The following ZNF595 variants were observed in gnomAD, a reference collection of about 807,000 sequenced individuals.
ZNF595 encodes zinc finger protein 595.
Under a neutral mutation model 19.4 loss-of-function variants are expected in ZNF595, and 9 were observed. That is an observed-to-expected ratio of 0.46 (90% CI 0.28 to 0.81). ZNF595 has a LOEUF of 0.81. ZNF595 is among the 30% of genes least tolerant of loss of function. The probability of loss-of-function intolerance (pLI) is 0.11; values close to 1 mark genes in which losing one functional copy is unlikely to be tolerated. For synonymous variants in ZNF595, 255 were observed against 255.9 expected (o/e 1.00, Z 0.03); for missense variants, 729 against 736.0 (o/e 0.99, Z 0.11).
At chr4:68,571 G>C (rs1421525852) in intron 3 of ZNF595, 1 of 152,204 alleles carries the variant, frequency 6.6e-6, no homozygotes, top group Admixed American at 6.5e-5. Context: ...GAGGACCAGT[G>C]GTGTTTGTTT....
At chr4:76,501 C>T (rs574762117) in intron 3 of ZNF595, among the ~76,000 whole-genome samples, 1 of 152,028 alleles carries the variant, frequency 6.6e-6, no homozygotes, top group African/African-American at 2.4e-5. Context: ...AGTTTTATAG[C>T]CTTCTATATT....
intron 3 of ZNF595, among the ~76,000 whole-genome samples, chr4:82,371 GGTT>G (rs1352127019): frequency 0.019 from 1,821 of 97,618 alleles, 190 homozygotes; most frequent in South Asian, 0.047. Flanking sequence ...TTTGGTTTGT[GGTT>G]TTTTTTTTTT....
At chr4:78,989 G>C (rs782256806) in intron 3 of ZNF595, among the ~76,000 whole-genome samples, 4 of 152,108 alleles carry the variant, frequency 2.6e-5, no homozygotes, top group Non-Finnish European at 2.9e-5. Flanking sequence ...CACCACCCCC[G>C]GCCAACATTT....
chr4:84,756 A>G (rs1266265503), intron 3 of ZNF595, among the ~76,000 whole-genome samples: 1 of 151,926 alleles, frequency 6.6e-6, no homozygotes, highest in Non-Finnish European at 1.5e-5. Context: ...TTACTTTTGT[A>G]TTTTTCACAT....
chr4:61,378 C>T (rs12019263), intron 3 of ZNF595, among the ~76,000 whole-genome samples: 24 of 151,450 alleles, frequency 1.6e-4, no homozygotes, highest in African/African-American at 2.5e-4. Flanking sequence ...TCAAGTGATC[C>T]GCCCACCTCT....
Position 85,625 on chromosome 4 carries a change from T to G in ZNF595, c.227-106T>G, listed in dbSNP as rs1421605779. On this transcript the variant is annotated intron_variant, in intron 3 of 3. Transcript: ENST00000610261. ...AATTATGGCCTGTGATATTTTGTTATGCTATCTTACTAATGCAGTTTGTAT... is the reference window on the plus strand; with the variant it reads ...AATTATGGCCTGTGATATTTTGTTAGGCTATCTTACTAATGCAGTTTGTAT... 5.4e-6 allele frequency: 7 copies of G among 1,296,172 alleles called. No individual in the cohort carries two copies. The African/African-American group carries it at 5.9e-5, about 11-fold the overall frequency. 80.3% of individuals were successfully genotyped at this position (1,296,172 alleles called of 1,614,324 possible). A position where few individuals can be genotyped will look rare whatever the true frequency, so the allele number is the denominator to read the frequency against.
chr4:71,736 A>G (rs782769214), intron 3 of ZNF595, among the ~76,000 whole-genome samples: 2 of 152,110 alleles, frequency 1.3e-5, no homozygotes, highest in Admixed American at 1.3e-4. Context: ...TTCTTTCTCC[A>G]AATCCAGTTT....
Position 86,407 on chromosome 4 carries a change from A to G in ZNF595, c.903A>G (p.Glu301=), listed in dbSNP as rs992070408. 2 of 1,613,568 alleles carry G rather than the reference A, an allele frequency of 1.2e-6. No individual in the cohort carries two copies. Among genetic ancestry groups the G allele is most frequent in the Non-Finnish European group, 1.7e-6 (2 of 1,179,628 alleles). ...KAFRWSTSLN[E]HKNIHTGEKP... ...TTAGATGGTCCACAAGCCTGAATGA[A>G]CATAAGAATATTCATACTGGAGAGA... Residue 301 remains glutamate (E), a synonymous_variant, in exon 4 of 4, where the codon GAA becomes GAG. Coordinates refer to ENST00000610261, the MANE Select transcript of ZNF595 (RefSeq NM_182524.4).
At chr4:74,629 A>G (rs1553798399) in intron 3 of ZNF595, among the ~76,000 whole-genome samples, 2 of 152,336 alleles carry the variant, frequency 1.3e-5, no homozygotes, top group Non-Finnish European at 1.5e-5. Context: ...CAATCGATAT[A>G]TGTAAGAAGT....
intron 3 of ZNF595, among the ~76,000 whole-genome samples, chr4:70,496 CCTGA>C (rs1344266918): frequency 6.6e-6 from 1 of 151,960 alleles, no homozygotes; most frequent in Admixed American, 6.6e-5. Flanking sequence ...CACCCCCATG[CCTGA>C]CTAATTTTTG....
At chr4:77,450 G>C (rs1222737255) in intron 3 of ZNF595, among the ~76,000 whole-genome samples, 1 of 152,020 alleles carries the variant, frequency 6.6e-6, no homozygotes, top group Non-Finnish European at 1.5e-5. Flanking sequence ...GGTTCCTTTG[G>C]TGGTGGTATG....
At position 87,230 on chromosome 4, in the gene ZNF595, T is replaced by C; in HGVS notation, c.1726T>C (p.Ser576Pro). ...CKECGKAYNLSSTLTKHKRIH... is the reference protein window; with the variant it reads ...CKECGKAYNLPSTLTKHKRIH... The stretch of plus-strand genomic sequence containing the variant: ...AGAATGTGGCAAAGCCTATAACTTA[T>C]CCTCAACCCTTACTAAACATAAGAG... The change falls in exon 4 of 4, where the codon TCC becomes CCC. Residue 576 changes from serine (S) to proline (P), a missense_variant. By Grantham distance (74) the Ser-to-Pro change is moderately conservative (BLOSUM62 -1). Coordinates refer to ENST00000610261, the MANE Select transcript of ZNF595 (RefSeq NM_182524.4). 6.3e-7 allele frequency: 1 copy of C among 1,595,032 alleles called. No individual in the cohort carries two copies. Among genetic ancestry groups the C allele is most frequent in the South Asian group, 1.1e-5 (1 of 90,298 alleles).
At position 87,228 on chromosome 4, in the gene ZNF595, T is replaced by C. The variant is rs1553802018; in HGVS notation, c.1724T>C (p.Leu575Ser). ...AAAGAATGTGGCAAAGCCTATAACTTATCCTCAACCCTTACTAAACATAAG... is the reference window on the plus strand; with the variant it reads ...AAAGAATGTGGCAAAGCCTATAACTCATCCTCAACCCTTACTAAACATAAG... The part of the protein sequence containing the change: ...KCKECGKAYN[L>S]SSTLTKHKRI... Residue 575 changes from leucine to serine, a missense_variant, in exon 4 of 4, where the codon TTA (leucine) becomes TCA (serine). Transcript: ENST00000610261. 6.3e-7 allele frequency: 1 copy of C among 1,593,902 alleles called. No individual in the cohort carries two copies. Among genetic ancestry groups the C allele is most frequent in the East Asian group, 2.3e-5 (1 of 43,268 alleles).
intron 3 of ZNF595, among the ~76,000 whole-genome samples, chr4:85,220 C>T (rs1714082169): frequency 6.6e-6 from 1 of 152,202 alleles, no homozygotes; most frequent in Admixed American, 6.5e-5. Flanking sequence ...AACACTGCAG[C>T]CTGCTCCTGA....
chr4:84,078 G>T (rs1714035706), intron 3 of ZNF595, among the ~76,000 whole-genome samples: 1 of 152,114 alleles, frequency 6.6e-6, no homozygotes, highest in South Asian at 2.1e-4. Context: ...GGTTATTTCA[G>T]TTGCGTTTGA....
intron 3 of ZNF595, among the ~76,000 whole-genome samples, chr4:81,415 A>G (rs1049043155): frequency 2.6e-5 from 4 of 152,212 alleles, no homozygotes; most frequent in Admixed American, 2.0e-4. Flanking sequence ...AGTCATTGAA[A>G]TTCTTCTGAT....
In ZNF595 at chr4:78,304, G is replaced by A. The variant is rs187089232; in HGVS notation, c.227-7427G>A. Among the ~76,000 whole-genome samples the A allele has an allele frequency of 3.4e-3, 514 of 152,250 alleles. 3 individuals are homozygous for A. The highest frequency in any genetic ancestry group is 5.8e-3 in the Non-Finnish European group (392 of 68,022). ...ATTACAGGCGTGAGCCACCGCGCCC[G>A]ACCTTTTGTTTTAATCTTTCTGTTT... On this transcript the variant is annotated intron_variant, in intron 3 of 3. Coordinates refer to ENST00000610261, the MANE Select transcript of ZNF595 (RefSeq NM_182524.4).
intron 3 of ZNF595, among the ~76,000 whole-genome samples, chr4:81,452 A>G (rs1189703939): frequency 6.6e-6 from 1 of 152,132 alleles, no homozygotes; most frequent in East Asian, 1.9e-4. Flanking sequence ...TTATAAATCT[A>G]TGTTTTTCTA....
At position 87,551 on chromosome 4, in the gene ZNF595, ATTTTTT is replaced by A; in HGVS notation, c.*101_*106del. The A allele has an allele frequency of 8.4e-7, 1 of 1,183,706 alleles. No individual in the cohort carries two copies. 73.3% of individuals were successfully genotyped at this position (1,183,706 alleles called of 1,614,324 possible). A position where few individuals can be genotyped will look rare whatever the true frequency, so the allele number is the denominator to read the frequency against. ...ACTTGTATTATTTTTCTTATTTTAA[ATTTTTT>A]AAAATTTCTGTAGGTACATAGTATG... On this transcript the variant is annotated 3_prime_UTR_variant, in exon 4 of 4. Transcript: ENST00000610261.
Sources: allele counts gnomAD v4.1 joint callset (sites outside exome capture counted in the v4.1 genomes callset), GRCh38; gene constraint gnomAD v4.1.1; transcripts MANE v1.5; gene names NCBI Gene and HGNC (gene_info 2026-07-23, HGNC 2026-07-21).